Variants in NEB observed in about 807,000 individuals in gnomAD.
NEB encodes nebulin, also known as nemaline myopathy type 2.
Under a neutral mutation model 952.2 loss-of-function variants are expected in NEB, and 512 were observed. The observed-to-expected ratio is 0.54, with a 90% confidence interval of 0.50 to 0.58. NEB has a LOEUF of 0.58. Ranked by LOEUF, NEB falls within the 20% of genes least tolerant of loss-of-function variation. NEB has a pLI of 0.00. For missense variants in NEB, 8,428 were observed against 9,231.1 expected (o/e 0.91, Z 3.56); for synonymous variants, 2,900 against 3,149.8 (o/e 0.92, Z 2.66).
intron 80 of NEB, 83 bp downstream of exon 80, chr2:151,610,433 C>T: frequency 9.8e-7 from 1 of 1,018,068 alleles, no homozygotes; most frequent in South Asian, 1.4e-5. Flanking sequence ...GTGGAAATCA[C>T]TATAGAGTGT....
chr2:151,681,848 C>T (rs1328628783), intron 29 of NEB, among the ~76,000 whole-genome samples: 1 of 152,050 alleles, frequency 6.6e-6, no homozygotes, highest in East Asian at 1.9e-4. Flanking sequence ...CAGAATATGA[C>T]ATATGGAATA....
intron 139 of NEB, 40 bp downstream of exon 139, chr2:151,538,099 GT>G (rs773731991): frequency 1.7e-5 from 26 of 1,537,844 alleles, no homozygotes; most frequent in Non-Finnish European, 2.2e-5. Flanking sequence ...TATATGGTGA[GT>G]TGTAGAGCCC....
At position 151,526,002 on chromosome 2, in the gene NEB, G is replaced by A. The variant is rs779004876; in HGVS notation, c.22117C>T (p.Arg7373Trp). Residue 7373 changes from arginine (R) to tryptophan (W), a missense_variant, in exon 150 of 182, where the codon CGG becomes TGG. Transcript: ENST00000397345. ...QGSYTTLPETRDTVHVKEVTK... is the reference protein window; with the variant it reads ...QGSYTTLPETWDTVHVKEVTK... ...ACTTCCTTGACGTGAACAGTGTCCC[G>A]GGTCTCTGGTAGTGTTGTGTATGAG... 5.0e-6 allele frequency: 8 copies of A among 1,613,962 alleles called. No individual in the cohort carries two copies. Among genetic ancestry groups the A allele is most frequent in the African/African-American group, 1.3e-5 (1 of 75,028 alleles).
rs2154052041 is a variant in NEB at position 151,625,597 on chromosome 2, G to A, written c.10389C>T (p.Val3463=). 1 of 1,605,544 alleles carries A rather than the reference G, an allele frequency of 6.2e-7. No individual in the cohort carries two copies. Among genetic ancestry groups the A allele is most frequent in the Non-Finnish European group, 8.5e-7 (1 of 1,174,238 alleles). Residue 3463 remains valine, a synonymous_variant, in exon 71 of 182, where the codon GTC becomes GTT. Coordinates refer to ENST00000397345, the MANE Select transcript of NEB (RefSeq NM_001164508.2). ...TEAWDKDKTQ[V]HIMPDTPEIM... Reference sequence around the variant, plus strand: ...TTTCAGGTGTATCAGGCATAATATGGACTTGGGTCTTGTCTTTGTCCCAGG... The same window carrying A: ...TTTCAGGTGTATCAGGCATAATATGAACTTGGGTCTTGTCTTTGTCCCAGG...
chr2:151,627,542 G>A lies in NEB; in HGVS notation c.10124C>T (p.Ala3375Val). Residue 3375 changes from alanine (A) to valine (V), a missense_variant, in exon 69 of 182, where the codon GCC becomes GTC. By Grantham distance (64) the Ala-to-Val change is moderately conservative. Coordinates refer to ENST00000397345, the MANE Select transcript of NEB (RefSeq NM_001164508.2). ...ACTCACATCGCTCTGGAGGTCATAG[G>A]CCTGCCGAGCATGGATGACATCATT... is the stretch of plus-strand genomic sequence containing the variant. ...DQNDVIHARQ[A>V]YDLQSDNIYK... 6.2e-7 allele frequency: 1 copy of A among 1,613,896 alleles called. No individual in the cohort carries two copies. Among genetic ancestry groups the A allele is most frequent in the South Asian group, 1.1e-5 (1 of 91,082 alleles).
chr2:151,534,293 C>T lies in NEB; in HGVS notation c.21313-747G>A, dbSNP rs2092597405. On this transcript the variant is annotated intron_variant, in intron 142 of 181. Coordinates refer to ENST00000397345, the MANE Select transcript of NEB (RefSeq NM_001164508.2). ...CTACCAGGTGGTATTTATCTTTCCG[C>T]TGCTCATAATCAGCTCTGTATTTTT... is the stretch of plus-strand genomic sequence containing the variant. The T allele has an allele frequency of 3.1e-6, 5 of 1,613,602 alleles. No individual in the cohort carries two copies. The highest frequency in any genetic ancestry group is 1.1e-5 in the South Asian group (1 of 91,076).
chr2:151,530,427 T>C lies in NEB; in HGVS notation c.21630+567A>G, dbSNP rs142873623. 2.6e-4 allele frequency among the ~76,000 whole-genome samples: 39 copies of C among 152,212 alleles called. No homozygotes were observed. The East Asian group carries it at 7.3e-3, about 29-fold the overall frequency. The stretch of plus-strand genomic sequence containing the variant: ...TTTTTCATTAATCGTTGGGGAAGGA[T>C]CCTAGGTTTTAATGTGACTAAGGCC... On this transcript the variant is annotated intron_variant, in intron 145 of 181. Transcript: ENST00000397345.
intron 55 of NEB, among the ~76,000 whole-genome samples, chr2:151,645,471 T>G (rs1253968589): frequency 1.3e-5 from 2 of 152,166 alleles, no homozygotes; most frequent in Non-Finnish European, 2.9e-5. Context: ...AAGAATTTGT[T>G]TTTTCAGATC....
At chr2:151,651,769 C>A (rs1201130930) in intron 52 of NEB, among the ~76,000 whole-genome samples, 3 of 152,122 alleles carry the variant, frequency 2.0e-5, no homozygotes, top group African/African-American at 7.2e-5. Context: ...TTACATGATA[C>A]CCAGCTTCAT....
chr2:151,547,538 A>G lies in NEB; in HGVS notation c.20263-5T>C. The G allele has an allele frequency of 6.3e-7, 1 of 1,599,622 alleles. No individual in the cohort carries two copies. Among genetic ancestry groups the G allele is most frequent in the Non-Finnish European group, 8.5e-7 (1 of 1,171,630 alleles). On this transcript the variant is annotated splice_region_variant and splice_polypyrimidine_tract_variant and intron_variant, in intron 132 of 181. Transcript: ENST00000397345. ...GAAGTCTGATTTGTAGATCAACTAA[A>G]GAAAAAAAAATACCCCAAAACATAT...
intron 28 of NEB, among the ~76,000 whole-genome samples, chr2:151,684,550 T>A (rs1032907082): frequency 2.0e-5 from 3 of 152,158 alleles, no homozygotes; most frequent in Admixed American, 1.3e-4. Flanking sequence ...GACTCTAAAC[T>A]TAGCAAGGTT....
chr2:151,722,716 T>G (rs1361929774), intron 9 of NEB, among the ~76,000 whole-genome samples: 2 of 152,080 alleles, frequency 1.3e-5, no homozygotes, highest in African/African-American at 4.8e-5. Context: ...GCTAATTTTT[T>G]AAAAATATAT....
chr2:151,511,331 C>T (rs1292783944), intron 161 of NEB, among the ~76,000 whole-genome samples: 3 of 152,184 alleles, frequency 2.0e-5, no homozygotes, highest in African/African-American at 7.2e-5. Context: ...ATACCTGCTT[C>T]CTAATCAAAC....
Position 151,697,361 on chromosome 2 carries a change from G to C in NEB, c.1354C>G (p.Gln452Glu), listed in dbSNP as rs2149359131. The change falls in exon 15 of 182, where the codon CAA (glutamine) becomes GAA (glutamate). Residue 452 changes from glutamine to glutamate, a missense_variant. Physicochemically the swap from Gln to Glu is conservative, Grantham distance 29 (BLOSUM62 2). Around this residue, in one of 11 missense-constraint regions of NEB, gnomAD observed 2,851 missense variants for 2,791.5 expected, o/e 1.02. Transcript: ENST00000397345. ...GTCTTAGAACTTACATCACTGTTTT[G>C]AGCTGTGACTTTCATGCAGTGTGAA... is the stretch of plus-strand genomic sequence containing the variant. ...YHSHCMKVTA[Q>E]NSDKNYKAEY... is the part of the protein sequence containing the mutation. 6.8e-6 allele frequency: 11 copies of C among 1,613,668 alleles called. No individual in the cohort carries two copies. The highest frequency in any genetic ancestry group is 9.3e-6 in the Non-Finnish European group (11 of 1,179,612).
At chr2:151,514,181 T>C (rs976285254) in intron 159 of NEB, 137 bp downstream of exon 159, 4 of 655,350 alleles carry the variant, frequency 6.1e-6, no homozygotes, top group South Asian at 1.9e-5. Context: ...TTAACAATTA[T>C]GTTGATATGG....
At chr2:151,692,942 C>T (rs1357762124) in intron 20 of NEB, among the ~76,000 whole-genome samples, 1 of 152,122 alleles carries the variant, frequency 6.6e-6, no homozygotes, top group African/African-American at 2.4e-5. Flanking sequence ...TGCACCCCAG[C>T]CTGGATGACA....
intron 10 of NEB, among the ~76,000 whole-genome samples, chr2:151,716,517 A>C (rs1378761617): frequency 6.6e-6 from 1 of 152,172 alleles, no homozygotes; most frequent in South Asian, 2.1e-4. Flanking sequence ...AAAATTTCAG[A>C]TTGATAGTAT....
At chr2:151,629,926 A>G (rs900310385) in intron 67 of NEB, among the ~76,000 whole-genome samples, 2 of 152,150 alleles carry the variant, frequency 1.3e-5, no homozygotes, top group Admixed American at 1.3e-4. Flanking sequence ...TATGATGTAC[A>G]TATCAGCATA....
At chr2:151,567,828 T>C (rs2096470173) in intron 113 of NEB, among the ~76,000 whole-genome samples, 1 of 152,028 alleles carries the variant, frequency 6.6e-6, no homozygotes, top group South Asian at 2.1e-4. Flanking sequence ...AAGTAAAGAA[T>C]TTGAACAATT....
Sources: allele counts gnomAD v4.1 joint callset (sites outside exome capture counted in the v4.1 genomes callset), GRCh38; gene constraint gnomAD v4.1.1; regional missense constraint gnomAD v4.1.1; transcripts MANE v1.5; gene names NCBI Gene and HGNC (gene_info 2026-07-23, HGNC 2026-07-21).